Variants in PLEKHM2 observed in about 807,000 individuals in gnomAD.
PLEKHM2 encodes pleckstrin homology domain-containing family M member 2.
PLEKHM2 carries 77 observed loss-of-function variants against 116.3 expected under a neutral mutation model. The observed-to-expected ratio is 0.66, with a 90% CI of 0.55 to 0.80. The LOEUF (loss-of-function observed/expected upper bound fraction) is 0.80, where lower values mean the gene tolerates loss of function less well. Among genes scored for constraint, PLEKHM2 ranks in the 30% least tolerant of loss-of-function variants. The pLI, the probability that PLEKHM2 is intolerant of heterozygous loss-of-function variation, is 0.00. For missense variants in PLEKHM2, 1,183 were observed against 1,354.9 expected (o/e 0.87, Z 1.99); for synonymous variants, 562 against 571.0 (o/e 0.98, Z 0.22).
At chr1:15,706,901 G>A (rs1349067724) in intron 1 of PLEKHM2, among the ~76,000 whole-genome samples, 2 of 152,166 alleles carry the variant, frequency 1.3e-5, no homozygotes, top group Non-Finnish European at 2.9e-5. Flanking sequence ...ACCCTTCACG[G>A]CTTGAGCCTT....
intron 7 of PLEKHM2, among the ~76,000 whole-genome samples, chr1:15,723,728 C>G (rs975333039): frequency 9.0e-5 from 12 of 133,162 alleles, no homozygotes; most frequent in African/African-American, 3.2e-4. Context: ...CCGAGCGACA[C>G]AGCGAGACCC....
intron 1 of PLEKHM2, among the ~76,000 whole-genome samples, chr1:15,688,957 G>A (rs187067575): frequency 1.3e-5 from 2 of 151,900 alleles, no homozygotes; most frequent in East Asian, 3.9e-4. Flanking sequence ...GCCATAAGAA[G>A]CAACCTCCTG....
At chr1:15,681,562 C>A, upstream of PLEKHM2, 1 of 478,548 alleles carries the variant, frequency 2.1e-6, no homozygotes, top group South Asian at 1.5e-5. Flanking sequence ...GAGAAGAATC[C>A]CAAAGCTTGT....
rs1159516354 is a variant in PLEKHM2, at chr1:15,727,607, A to G, written c.1535A>G (p.Gln512Arg). 1 of 1,584,662 alleles carries G rather than the reference A, an allele frequency of 6.3e-7. No homozygotes were observed. Among genetic ancestry groups the G allele is most frequent in the Non-Finnish European group, 8.6e-7 (1 of 1,166,100 alleles). Residue 512 changes from glutamine (Q) to arginine (R), a missense_variant, in exon 9 of 20, where the codon CAG becomes CGG. Physicochemically the swap from Gln to Arg is conservative, Grantham distance 43 (BLOSUM62 1). Around this residue, in one of 3 missense-constraint regions of PLEKHM2, gnomAD observed 594 missense variants for 720.1 expected, o/e 0.82. Coordinates refer to ENST00000375799, the MANE Select transcript of PLEKHM2 (RefSeq NM_015164.4). The surrounding 1 kb of genome is among the most constrained non-coding windows in gnomAD (Gnocchi z 7.5). Reference sequence around the variant, plus strand: ...GAAGAGGGAGGAGGAGGAGAGGGACAGACGCCTCGGCCCCTAGAGGATACC... The same window carrying G: ...GAAGAGGGAGGAGGAGGAGAGGGACGGACGCCTCGGCCCCTAGAGGATACC... ...QEEEGGGGEG[Q>R]TPRPLEDTTR...
chr1:15,696,512 G>A (rs762928012), intron 1 of PLEKHM2, among the ~76,000 whole-genome samples: 11 of 152,110 alleles, frequency 7.2e-5, no homozygotes, highest in South Asian at 2.1e-4. Context: ...CACCACGCCC[G>A]GCTAATTTTT....
At position 15,728,624 on chromosome 1, in the gene PLEKHM2, A is replaced by G. The variant is rs780076977; in HGVS notation, c.1922-45A>G. 1.0e-5 allele frequency: 16 copies of G among 1,525,222 alleles called. No homozygotes were observed. The highest frequency in any genetic ancestry group is 1.3e-5 in the Non-Finnish European group (15 of 1,112,096). 94.5% of individuals were successfully genotyped at this position (1,525,222 alleles called of 1,614,324 possible). ...TAAGAAAATGGGGCAGGGGGAGGGA[A>G]AAGAGGCCTGTGGGGATAATAGGCC... On this transcript the variant is annotated intron_variant, in intron 11 of 19. Transcript: ENST00000375799. This position sits in a 1 kb window ranked among gnomAD's most constrained non-coding sequence, Gnocchi z 5.9.
intron 8 of PLEKHM2, 26 bp downstream of exon 8, chr1:15,725,571 A>T (rs910927621): frequency 6.0e-6 from 9 of 1,510,150 alleles, no homozygotes; most frequent in Non-Finnish European, 7.2e-6. Context: ...CCCAGAAAGG[A>T]GCTGAGGTCC....
intron 1 of PLEKHM2, among the ~76,000 whole-genome samples, chr1:15,701,159 C>T (rs936984313): frequency 2.2e-4 from 31 of 140,932 alleles, no homozygotes; most frequent in East Asian, 8.3e-4. Context: ...TAGCTGGGTG[C>T]GGTGGCTCAC....
Position 15,725,510 on chromosome 1 carries a change from C to T in PLEKHM2, c.906C>T (p.Asp302=), listed in dbSNP as rs1352230279. ...SQEKEEAQAL[D]PPDACTELEV... ...AGAAGGAGGAGGCCCAGGCCCTGGA[C>T]CCGCCGGATGCCTGCACGGAGCTCG... The change falls in exon 8 of 20, where the codon GAC becomes GAT. Residue 302 remains aspartate, a synonymous_variant. Coordinates refer to ENST00000375799, the MANE Select transcript of PLEKHM2 (RefSeq NM_015164.4). 7.6e-6 allele frequency: 12 copies of T among 1,575,584 alleles called. No homozygotes were observed. In the East Asian group the frequency reaches 1.9e-4, roughly 25 times the overall value.
At chr1:15,682,033 T>C (rs1433667237), upstream of PLEKHM2, among the ~76,000 whole-genome samples, 2 of 151,402 alleles carry the variant, frequency 1.3e-5, no homozygotes, top group Non-Finnish European at 2.9e-5. Context: ...AGCGAGGCCC[T>C]GTCTCTACAA....
chr1:15,725,331 G>C lies in PLEKHM2; in HGVS notation c.727G>C (p.Asp243His). 1 of 1,551,070 alleles carries C rather than the reference G, an allele frequency of 6.4e-7. No homozygotes were observed. Among genetic ancestry groups the C allele is most frequent in the Non-Finnish European group, 8.7e-7 (1 of 1,146,830 alleles). Reference protein sequence around the residue: ...STDWEDGDLTDTVSGPRSTAS... With the variant: ...STDWEDGDLTHTVSGPRSTAS... The stretch of plus-strand genomic sequence containing the variant: ...TGTCCTCCCAGATGGAGACCTCACA[G>C]ACACGGTCAGTGGTCCCCGCTCCAC... Residue 243 changes from aspartate (D) to histidine (H), a missense_variant, in exon 8 of 20, where the codon GAC becomes CAC. Physicochemically the swap from Asp to His is moderately conservative, Grantham distance 81. This residue lies in a region of PLEKHM2 where 372 missense variants were observed against 357.2 expected (regional missense o/e 1.04). Transcript: ENST00000375799.
chr1:15,699,150 C>T (rs1641060718), intron 1 of PLEKHM2, among the ~76,000 whole-genome samples: 2 of 151,710 alleles, frequency 1.3e-5, no homozygotes, highest in South Asian at 4.2e-4. Context: ...TATAGTGAGA[C>T]CCCATCTCTA....
At chr1:15,701,778 G>C (rs1337979359) in intron 1 of PLEKHM2, among the ~76,000 whole-genome samples, 1 of 152,148 alleles carries the variant, frequency 6.6e-6, no homozygotes, top group Non-Finnish European at 1.5e-5. Flanking sequence ...GGAACACAGC[G>C]AGAATCCCTC....
At chr1:15,695,657 G>A (rs140177211) in intron 1 of PLEKHM2, among the ~76,000 whole-genome samples, 5,738 of 152,096 alleles carry the variant, frequency 0.038, 368 homozygotes, top group African/African-American at 0.13. Context: ...GATTACAGAT[G>A]CCCATCACCA....
At chr1:15,723,727 A>G (rs964330370) in intron 7 of PLEKHM2, among the ~76,000 whole-genome samples, 2 of 147,000 alleles carry the variant, frequency 1.4e-5, no homozygotes, top group Non-Finnish European at 3.0e-5. Context: ...TCCGAGCGAC[A>G]CAGCGAGACC....
chr1:15,687,395 C>G (rs891556057), intron 1 of PLEKHM2, among the ~76,000 whole-genome samples: 1 of 151,520 alleles, frequency 6.6e-6, no homozygotes, highest in Non-Finnish European at 1.5e-5. Flanking sequence ...AGGATGGTCT[C>G]GATCTCCTGA....
At position 15,721,158 on chromosome 1, in the gene PLEKHM2, A is replaced by C. The variant is rs1051997544; in HGVS notation, c.653-171A>C. On this transcript the variant is annotated intron_variant, in intron 6 of 19. Transcript: ENST00000375799. The surrounding 1 kb of genome is among the most constrained non-coding windows in gnomAD (Gnocchi z 5.1). ...TGGGCCAGCGCCTGAGCTGAGAGGC[A>C]GTCAGGGCCCTAGTAAGTTTCCCCA... Among the ~76,000 whole-genome samples, 7 of 152,344 alleles carry C rather than the reference A, an allele frequency of 4.6e-5. No individual in the cohort carries two copies. Among genetic ancestry groups the C allele is most frequent in the Admixed American group, 1.3e-4 (2 of 15,300 alleles).
At position 15,733,838 on chromosome 1, in the gene PLEKHM2, G is replaced by A; in HGVS notation, c.2964G>A (p.Lys988=). The A allele has an allele frequency of 4.3e-6, 7 of 1,613,114 alleles. No individual in the cohort carries two copies. Among genetic ancestry groups the A allele is most frequent in the Non-Finnish European group, 5.9e-6 (7 of 1,179,826 alleles). ...CGGCGATCCAGGAAGCCTCCAACAAGAAGAAATTCGAGGATGCCTTGAGCC... is the reference window on the plus strand; with the variant it reads ...CGGCGATCCAGGAAGCCTCCAACAAAAAGAAATTCGAGGATGCCTTGAGCC... ...PHTAIQEASN[K]KKFEDALSLI... The change falls in exon 20 of 20, where the codon AAG becomes AAA. Residue 988 remains lysine, a synonymous_variant. Transcript: ENST00000375799.
chr1:15,718,524 C>A lies in PLEKHM2; in HGVS notation c.378-14C>A. On this transcript the variant is annotated splice_polypyrimidine_tract_variant and intron_variant, in intron 4 of 19. Coordinates refer to ENST00000375799, the MANE Select transcript of PLEKHM2 (RefSeq NM_015164.4). ...AGACCCAGAGGCACCATCGTGGCTT[C>A]TCATGTCTTGCAGGAATGCCCTGGT... 6.5e-7 allele frequency: 1 copy of A among 1,531,648 alleles called. No individual in the cohort carries two copies. Among genetic ancestry groups the A allele is most frequent in the Non-Finnish European group, 8.9e-7 (1 of 1,124,188 alleles). 94.9% of individuals were successfully genotyped at this position (1,531,648 alleles called of 1,614,324 possible).
Sources: gnomAD v4.1 joint callset for allele counts (sites outside exome capture counted in the v4.1 genomes callset) on GRCh38, gnomAD v4.1.1 for gene constraint, gnomAD v4.1.1 regional missense constraint, Gnocchi (gnomAD v3.1) non-coding constraint, MANE v1.5 for transcripts, NCBI Gene and HGNC (gene_info 2026-07-23, HGNC 2026-07-21) for gene names.